Variants in CUL3 observed in about 807,000 individuals in gnomAD.
The protein encoded by CUL3 is cullin-3.
A neutral mutation model predicts 89.1 loss-of-function variants in CUL3; 19 were observed. That is an observed-to-expected ratio of 0.21 (90% CI 0.15 to 0.31). CUL3 has a LOEUF of 0.31. Ranked by LOEUF, CUL3 falls within the 10% of genes least tolerant of loss-of-function variation. The pLI is 1.00. For synonymous variants in CUL3, 351 were observed against 308.4 expected (o/e 1.14, Z -1.45); for missense variants, 469 against 942.3 (o/e 0.50, Z 6.58).
At chr2:224,554,139 T>C (rs560040105) in intron 2 of CUL3, among the ~76,000 whole-genome samples, 21 of 152,220 alleles carry the variant, frequency 1.4e-4, no homozygotes, top group African/African-American at 4.8e-4. Flanking sequence ...CTGATGTTTT[T>C]TTCTGCACCT....
intron 2 of CUL3, among the ~76,000 whole-genome samples, chr2:224,548,324 G>GTGAGC (rs1694382246): frequency 6.6e-6 from 1 of 152,216 alleles, no homozygotes; most frequent in Non-Finnish European, 1.5e-5. Context: ...TAAAGGAAAG[G>GTGAGC]TGAGCAGGAT....
At chr2:224,484,685 T>C (rs914332991) in intron 13 of CUL3, among the ~76,000 whole-genome samples, 7 of 152,234 alleles carry the variant, frequency 4.6e-5, no homozygotes, top group African/African-American at 7.2e-5. Flanking sequence ...CCATTATTTA[T>C]ATAGATTTGC....
At chr2:224,550,664 T>C (rs1228172825) in intron 2 of CUL3, among the ~76,000 whole-genome samples, 1 of 152,212 alleles carries the variant, frequency 6.6e-6, no homozygotes, top group Non-Finnish European at 1.5e-5. Flanking sequence ...GTCCGTTTCT[T>C]ATTCCCTACA....
chr2:224,544,005 A>G lies in CUL3; in HGVS notation c.265-8364T>C, dbSNP rs1473144452. 2.0e-5 allele frequency among the ~76,000 whole-genome samples: 3 copies of G among 152,088 alleles called. No homozygotes were observed. In the South Asian group the frequency reaches 6.2e-4, roughly 32 times the overall value. Reference sequence around the variant, plus strand: ...TCCCATTTCAAAAAAAAAAAGAAAAAAGTTTCAGATTTTGGATTTTTGGAT... The same window carrying G: ...TCCCATTTCAAAAAAAAAAAGAAAAGAGTTTCAGATTTTGGATTTTTGGAT... On this transcript the variant is annotated intron_variant, in intron 2 of 15. Transcript: ENST00000264414.
chr2:224,567,846 T>C (rs577393740), intron 1 of CUL3, among the ~76,000 whole-genome samples: 3 of 152,094 alleles, frequency 2.0e-5, no homozygotes, highest in East Asian at 1.9e-4. Context: ...AAAATAAACA[T>C]AGGCACACCA....
chr2:224,517,803 T>G (rs994825327), intron 3 of CUL3, among the ~76,000 whole-genome samples: 2 of 152,212 alleles, frequency 1.3e-5, no homozygotes, highest in Non-Finnish European at 2.9e-5. Context: ...TTCTAGATTT[T>G]TTTTTACTAT....
At chr2:224,483,238 A>C (rs1232200158) in intron 13 of CUL3, among the ~76,000 whole-genome samples, 1 of 152,220 alleles carries the variant, frequency 6.6e-6, no homozygotes, top group Non-Finnish European at 1.5e-5. Context: ...TACTTTAGTT[A>C]TTGCTTAATC....
chr2:224,580,038 G>A (rs1053797752), intron 1 of CUL3, among the ~76,000 whole-genome samples: 13 of 152,210 alleles, frequency 8.5e-5, no homozygotes, highest in Non-Finnish European at 1.9e-4. Flanking sequence ...CCAGGAGTAA[G>A]GAAGAGACTC....
At chr2:224,508,125 T>A (rs201842384) in intron 6 of CUL3, among the ~76,000 whole-genome samples, 2 of 135,162 alleles carry the variant, frequency 1.5e-5, no homozygotes, top group East Asian at 2.2e-4. Flanking sequence ...TTTTTTTTTT[T>A]AACAAAACTG....
Position 224,485,714 on chromosome 2 carries a change from C to T in CUL3, c.1843-3636G>A, listed in dbSNP as rs770378285. On this transcript the variant is annotated intron_variant, in intron 13 of 15. Coordinates refer to ENST00000264414, the MANE Select transcript of CUL3 (RefSeq NM_003590.5). This position sits in a 1 kb window ranked among gnomAD's most constrained non-coding sequence, Gnocchi z 4.1. ...AGAATTAAATGTTCTTGCCTGCTGG[C>T]TCTGAAGAGAGCAGTGGATCCCACA... Among the ~76,000 whole-genome samples, 12 of 152,220 alleles carry T rather than the reference C, an allele frequency of 7.9e-5. No homozygotes were observed. Among genetic ancestry groups the T allele is most frequent in the African/African-American group, 9.6e-5 (4 of 41,468 alleles).
chr2:224,520,027 T>C (rs909608435), intron 3 of CUL3, among the ~76,000 whole-genome samples: 2 of 152,216 alleles, frequency 1.3e-5, no homozygotes, highest in African/African-American at 4.8e-5. Flanking sequence ...AGTTTGACAT[T>C]AGTCACTTAT....
intron 1 of CUL3, among the ~76,000 whole-genome samples, chr2:224,568,448 G>A (rs1343539727): frequency 1.3e-5 from 2 of 152,148 alleles, no homozygotes. Flanking sequence ...TCTGTTGAAT[G>A]AATACTACTT....
intron 1 of CUL3, among the ~76,000 whole-genome samples, chr2:224,578,287 G>C (rs974402594): frequency 1.6e-4 from 25 of 152,104 alleles, no homozygotes; most frequent in Admixed American, 1.4e-3. Context: ...ACTGAAGTAT[G>C]ATAGTCATTA....
chr2:224,548,479 T>C (rs998480590), intron 2 of CUL3, among the ~76,000 whole-genome samples: 3 of 152,228 alleles, frequency 2.0e-5, no homozygotes, highest in African/African-American at 7.2e-5. Flanking sequence ...TAATTTTAAA[T>C]GTTAACTTTT....
rs1192788137 is a variant in CUL3, at chr2:224,540,973, TATC to T, written c.265-5335_265-5333del. Among the ~76,000 whole-genome samples, 5 of 152,328 alleles carry T rather than the reference TATC, an allele frequency of 3.3e-5. No individual in the cohort carries two copies. The South Asian group carries it at 8.3e-4, about 25-fold the overall frequency. On this transcript the variant is annotated intron_variant, in intron 2 of 15. Coordinates refer to ENST00000264414, the MANE Select transcript of CUL3 (RefSeq NM_003590.5). ...GGTTTAGAAGAAAAATACCTAGCTG[TATC>T]ATATCATGTCCAATGCACCATAGTA...
At chr2:224,516,004 T>C (rs917976170) in intron 3 of CUL3, among the ~76,000 whole-genome samples, 2 of 152,150 alleles carry the variant, frequency 1.3e-5, no homozygotes, top group Non-Finnish European at 2.9e-5. Flanking sequence ...ACAATTTTAA[T>C]TAAATTCTCC....
At chr2:224,534,825 A>AAAAAT (rs1274971197) in intron 3 of CUL3, among the ~76,000 whole-genome samples, 5 of 151,910 alleles carry the variant, frequency 3.3e-5, no homozygotes, top group African/African-American at 1.2e-4. Flanking sequence ...TACTAAAAAG[A>AAAAAT]AAAATAAAAT....
chr2:224,550,999 G>A (rs1694491847), intron 2 of CUL3, among the ~76,000 whole-genome samples: 1 of 151,638 alleles, frequency 6.6e-6, no homozygotes, highest in African/African-American at 2.4e-5. Flanking sequence ...CCATTACCAA[G>A]TCTTAGCTCC....
intron 12 of CUL3, among the ~76,000 whole-genome samples, chr2:224,497,495 A>G (rs149252292): frequency 2.1e-4 from 32 of 152,278 alleles, no homozygotes; most frequent in African/African-American, 7.7e-4. Flanking sequence ...ACCTAATTTT[A>G]TGAATAAAAT....
Sources: gnomAD v4.1 joint callset for allele counts (sites outside exome capture counted in the v4.1 genomes callset) on GRCh38, gnomAD v4.1.1 for gene constraint, Gnocchi (gnomAD v3.1) non-coding constraint, MANE v1.5 for transcripts, NCBI Gene and HGNC (gene_info 2026-07-23, HGNC 2026-07-21) for gene names.